The following TRIQK variants were observed in gnomAD, a reference collection of about 807,000 sequenced individuals.
TRIQK encodes triple QxxK/R motif-containing protein.
In TRIQK, 10 loss-of-function variants were observed where a neutral mutation model predicts 10.8. The ratio of observed to expected loss-of-function variants is 0.92; its 90% CI spans 0.57 to 1.57. The LOEUF (loss-of-function observed/expected upper bound fraction) is 1.57. Ranked by LOEUF, TRIQK falls within the 40% of genes most tolerant of loss-of-function variation. TRIQK has a pLI of 0.00. For missense variants in TRIQK, 107 were observed against 97.7 expected (o/e 1.09, Z -0.40); for synonymous variants, 33 against 33.7 (o/e 0.98, Z 0.07).
At chr8:92,936,550 A>T (rs1035627658) in intron 2 of TRIQK, among the ~76,000 whole-genome samples, 1 of 151,718 alleles carries the variant, frequency 6.6e-6, no homozygotes, top group Non-Finnish European at 1.5e-5. Context: ...TACATAGGCA[A>T]ACAAACAAAG....
intron 2 of TRIQK, among the ~76,000 whole-genome samples, chr8:92,932,623 G>C (rs911750949): frequency 6.6e-6 from 1 of 151,676 alleles, no homozygotes; most frequent in African/African-American, 2.4e-5. Context: ...GATGTTTCTC[G>C]GTTGAATTAA....
intron 2 of TRIQK, among the ~76,000 whole-genome samples, chr8:92,937,242 A>G (rs116930549): frequency 2.1e-5 from 3 of 142,050 alleles, no homozygotes; most frequent in African/African-American, 8.6e-5. Flanking sequence ...TTACAAAACA[A>G]CTTAAAACAT....
At chr8:93,006,577 T>C (rs1409116702) in intron 1 of TRIQK, among the ~76,000 whole-genome samples, 1 of 152,086 alleles carries the variant, frequency 6.6e-6, no homozygotes, top group Non-Finnish European at 1.5e-5. Flanking sequence ...CCATCATCAC[T>C]GAGGCTACCT....
At chr8:93,017,110 G>GGAGAGAGAGA (rs3062508) in intron 1 of TRIQK, among the ~76,000 whole-genome samples, 6 of 93,336 alleles carry the variant, frequency 6.4e-5, no homozygotes, top group Non-Finnish European at 1.1e-4. Flanking sequence ...ATATATACTT[G>GGAGAGAGAGA]GAGAGAGAGA....
intron 3 of TRIQK, among the ~76,000 whole-genome samples, chr8:92,905,511 G>A (rs1038982317): frequency 3.3e-5 from 5 of 152,100 alleles, no homozygotes; most frequent in Non-Finnish European, 7.4e-5. Flanking sequence ...GTATATAAAA[G>A]GCTTCTTAGC....
upstream of TRIQK, among the ~76,000 whole-genome samples, chr8:92,968,182 T>C (rs1364002178): frequency 1.3e-5 from 2 of 152,216 alleles, no homozygotes; most frequent in African/African-American, 4.8e-5. Flanking sequence ...GTGCCACATT[T>C]TCTTTATCCA....
chr8:92,884,490 C>A lies in TRIQK; in HGVS notation c.*2132G>T. 3.8e-6 allele frequency: 1 copy of A among 265,954 alleles called. No individual in the cohort carries two copies. The highest frequency in any genetic ancestry group is 7.4e-6 in the Non-Finnish European group (1 of 135,380). 16.5% of individuals were successfully genotyped at this position (265,954 alleles called of 1,614,324 possible). A position where few individuals can be genotyped will look rare whatever the true frequency, so the allele number is the denominator to read the frequency against. On this transcript the variant is annotated 3_prime_UTR_variant, in exon 5 of 5. Coordinates refer to ENST00000521988, the MANE Select transcript of TRIQK (RefSeq NM_001171797.2). Reference sequence around the variant, plus strand: ...GTCATACGAATGGACTAGCTGTAGACTCAGGATATCAATAAAACTAGGCAG... The same window carrying A: ...GTCATACGAATGGACTAGCTGTAGAATCAGGATATCAATAAAACTAGGCAG...
intron 2 of TRIQK, among the ~76,000 whole-genome samples, chr8:92,941,564 A>C (rs1312490341): frequency 6.6e-6 from 1 of 152,116 alleles, no homozygotes; most frequent in Non-Finnish European, 1.5e-5. Flanking sequence ...ACTTATAATC[A>C]ATAGAAAGAA....
intron 1 of TRIQK, 192 bp downstream of exon 1, chr8:92,965,815 G>C (rs1434891092): frequency 6.6e-6 from 1 of 152,566 alleles, no homozygotes; most frequent in Non-Finnish European, 1.5e-5. Flanking sequence ...TACCTACTGG[G>C]TTTCCCGGAC....
intron 1 of TRIQK, among the ~76,000 whole-genome samples, chr8:92,958,479 C>A (rs907087398): frequency 2.0e-5 from 3 of 151,676 alleles, no homozygotes; most frequent in African/African-American, 7.3e-5. Flanking sequence ...TCCATTATTT[C>A]TTATTATAAT....
chr8:92,935,071 A>G (rs933904039), intron 2 of TRIQK, among the ~76,000 whole-genome samples: 2 of 151,758 alleles, frequency 1.3e-5, no homozygotes, highest in Non-Finnish European at 3.0e-5. Context: ...TTTATCTTCC[A>G]TCTCCTATTC....
intron 1 of TRIQK, among the ~76,000 whole-genome samples, chr8:92,957,390 A>G (rs1464360952): frequency 6.6e-6 from 1 of 151,820 alleles, no homozygotes; most frequent in African/African-American, 2.4e-5. Context: ...TAAGAATGAA[A>G]TGAAGTATTT....
At chr8:92,984,973 A>G (rs562219133) in intron 1 of TRIQK, among the ~76,000 whole-genome samples, 1 of 152,320 alleles carries the variant, frequency 6.6e-6, no homozygotes, top group South Asian at 2.1e-4. Context: ...ATTTAAGAAT[A>G]AATTCCTTAT....
chr8:92,914,255 T>C (rs1429606300), intron 3 of TRIQK, among the ~76,000 whole-genome samples: 1 of 152,154 alleles, frequency 6.6e-6, no homozygotes, highest in Non-Finnish European at 1.5e-5. Flanking sequence ...GTCCCCCTTC[T>C]TTTTTTCTAG....
intron 2 of TRIQK, 55 bp from the exon 3 acceptor site, chr8:92,917,065 T>C: frequency 1.8e-6 from 2 of 1,095,820 alleles, no homozygotes; most frequent in Non-Finnish European, 2.5e-6. Flanking sequence ...GTCTATAAAA[T>C]CCAGAAATAG....
chr8:93,003,029 G>T (rs1323198884), intron 1 of TRIQK, among the ~76,000 whole-genome samples: 1 of 151,824 alleles, frequency 6.6e-6, no homozygotes, highest in South Asian at 2.1e-4. Context: ...CACAAAAAGG[G>T]AAACTACAGG....
At chr8:92,887,981 G>T (rs1816571034) in intron 4 of TRIQK, among the ~76,000 whole-genome samples, 2 of 151,580 alleles carry the variant, frequency 1.3e-5, no homozygotes, top group South Asian at 4.1e-4. Context: ...AATGTCAAAG[G>T]AAAGTGAATT....
chr8:92,924,644 A>G (rs186663901), intron 2 of TRIQK, among the ~76,000 whole-genome samples: 7 of 152,146 alleles, frequency 4.6e-5, no homozygotes, highest in Admixed American at 4.6e-4. Context: ...GAAATGAAAA[A>G]AAAAGTCTTT....
chr8:92,961,447 G>T (rs1224836043), intron 1 of TRIQK, among the ~76,000 whole-genome samples: 1 of 151,878 alleles, frequency 6.6e-6, no homozygotes, highest in Non-Finnish European at 1.5e-5. Context: ...TGTGAATGAC[G>T]GCAACGTATT....
Sources: gnomAD v4.1 joint callset for allele counts (sites outside exome capture counted in the v4.1 genomes callset) on GRCh38, gnomAD v4.1.1 for gene constraint, MANE v1.5 for transcripts, NCBI Gene and HGNC (gene_info 2026-07-23, HGNC 2026-07-21) for gene names.